C6: variants seen among roughly 807,000 people sequenced by gnomAD.
The protein encoded by C6 is complement component C6.
A neutral mutation model predicts 112.9 loss-of-function variants in C6; 101 were observed. The observed-to-expected ratio is 0.89, with a 90% CI of 0.76 to 1.06. The LOEUF (loss-of-function observed/expected upper bound fraction) is 1.06, where lower values mean the gene tolerates loss of function less well. Ranked by LOEUF, C6 falls within the 50% of genes least tolerant of loss-of-function variation. The probability of loss-of-function intolerance (pLI) is 0.00; values close to 1 mark genes in which losing one functional copy is unlikely to be tolerated. For missense variants in C6, 1,202 were observed against 1,104.6 expected, an observed-to-expected ratio of 1.09 and a Z score of -1.25; for synonymous variants, 431 against 384.1, an observed-to-expected ratio of 1.12 and a Z score of -1.43.
At chr5:41,199,972 A>G in intron 3 of C6, 60 bp from the exon 4 acceptor site, 1 of 1,531,544 alleles carries the variant, frequency 6.5e-7, no homozygotes, top group Non-Finnish European at 9.0e-7. Context: ...AAATGTACCT[A>G]AGAAAACTGG....
chr5:41,169,461 T>A (rs1332300175), intron 9 of C6, among the ~76,000 whole-genome samples: 1 of 152,160 alleles, frequency 6.6e-6, no homozygotes, highest in African/African-American at 2.4e-5. Flanking sequence ...CTGGCAATTT[T>A]ATACTTTTTA....
intron 1 of C6, among the ~76,000 whole-genome samples, chr5:41,229,914 C>A (rs1265697703): frequency 6.6e-6 from 1 of 152,116 alleles, no homozygotes; most frequent in African/African-American, 2.4e-5. Context: ...GGAGCCGAGG[C>A]AGAAGAATAT....
At chr5:41,205,897 C>G (rs1216934663) in intron 1 of C6, among the ~76,000 whole-genome samples, 1 of 152,212 alleles carries the variant, frequency 6.6e-6, no homozygotes, top group African/African-American at 2.4e-5. Flanking sequence ...AGTTTGAGAT[C>G]TGAGAATGGA....
intron 7 of C6, among the ~76,000 whole-genome samples, chr5:41,178,512 G>C: frequency 9.1e-6 from 1 of 110,220 alleles, no homozygotes; most frequent in East Asian, 2.8e-4. Context: ...AGCTAGCTCT[G>C]TCACCCAGGC....
Position 41,203,099 on chromosome 5 carries a change from C to A in C6, c.132G>T (p.Gln44His). 6.2e-7 allele frequency: 1 copy of A among 1,614,052 alleles called. No individual in the cohort carries two copies. ...SCSKTCNSGT[Q>H]SRHRQIVVDK... ...AAGCTCACACCCACCTGTGTCTGCT[C>A]TGGGTTCCAGAATTGCAAGTTTTTG... Residue 44 changes from glutamine to histidine, a missense_variant, in exon 2 of 18, where the codon CAG becomes CAT. Gln to His is a conservative substitution (Grantham distance 24, BLOSUM62 0). Coordinates refer to ENST00000337836, the MANE Select transcript of C6 (RefSeq NM_000065.5).
chr5:41,171,337 T>A (rs922337581), intron 9 of C6, among the ~76,000 whole-genome samples: 1 of 152,024 alleles, frequency 6.6e-6, no homozygotes, highest in African/African-American at 2.4e-5. Context: ...AGAGGAAAGG[T>A]GAAAGGAGCC....
At chr5:41,186,680 T>A (rs1749795376) in intron 5 of C6, among the ~76,000 whole-genome samples, 1 of 152,024 alleles carries the variant, frequency 6.6e-6, no homozygotes, top group African/African-American at 2.4e-5. Flanking sequence ...GACTATAATA[T>A]TTAAAATATA....
chr5:41,249,525 A>G (rs1448301584), intron 1 of C6, among the ~76,000 whole-genome samples: 1 of 152,214 alleles, frequency 6.6e-6, no homozygotes, highest in African/African-American at 2.4e-5. Context: ...AGAGCCACAG[A>G]GGAGATTTTC....
intron 1 of C6, among the ~76,000 whole-genome samples, chr5:41,231,272 T>C (rs1308229771): frequency 6.6e-6 from 1 of 152,168 alleles, no homozygotes; most frequent in Non-Finnish European, 1.5e-5. Context: ...GTTTTTTGTT[T>C]CATTCTTTCT....
chr5:41,216,515 CCTGT>C (rs1561182961), upstream of C6, among the ~76,000 whole-genome samples: 1 of 152,070 alleles, frequency 6.6e-6, no homozygotes. Context: ...TCCTAGTCCA[CCTGT>C]CTTAGTATTC....
intron 1 of C6, among the ~76,000 whole-genome samples, chr5:41,256,626 G>A (rs1741730596): frequency 6.6e-6 from 1 of 151,994 alleles, no homozygotes; most frequent in South Asian, 2.1e-4. Flanking sequence ...CTCAATGTTG[G>A]ATATAAGTTC....
chr5:41,148,808 A>G (rs1490427490), intron 17 of C6, among the ~76,000 whole-genome samples: 1 of 152,196 alleles, frequency 6.6e-6, no homozygotes, highest in Non-Finnish European at 1.5e-5. Flanking sequence ...AGAAGACTGA[A>G]AGAAATTTCA....
chr5:41,201,690 G>GT lies in C6; in HGVS notation c.167dup (p.Tyr56Ter). The GT allele has an allele frequency of 6.2e-7, 1 of 1,613,578 alleles. No homozygotes were observed. Among genetic ancestry groups the GT allele is most frequent in the Non-Finnish European group, 8.5e-7 (1 of 1,179,786 alleles). Reference sequence around the variant, plus strand: ...AAATCTGTTCACAAAAGTTTTCCTGGTAGTACTTATCTACTACTATTTGTC... The same window carrying GT: ...AAATCTGTTCACAAAAGTTTTCCTGGTTAGTACTTATCTACTACTATTTGTC... ...RHRQIVVDKYYQENFCEQICS... is the reference protein window; with the variant it reads ...RHRQIVVDKY Residue 56 changes from tyrosine (Y) to a stop codon, truncating the protein, a stop_gained and frameshift_variant, in exon 3 of 18, where the codon TAC (tyrosine) becomes TAAC (stop). Coordinates refer to ENST00000337836, the MANE Select transcript of C6 (RefSeq NM_000065.5). LOFTEE classifies it high-confidence loss of function.
chr5:41,146,945 G>C (rs1277386085), intron 17 of C6, among the ~76,000 whole-genome samples: 1 of 151,864 alleles, frequency 6.6e-6, no homozygotes, highest in Non-Finnish European at 1.5e-5. Context: ...ATTTCCAATA[G>C]AAGAGTTCTC....
At chr5:41,171,446 G>A (rs984205731) in intron 9 of C6, among the ~76,000 whole-genome samples, 1 of 152,174 alleles carries the variant, frequency 6.6e-6, no homozygotes, top group Non-Finnish European at 1.5e-5. Context: ...TATGCTATTA[G>A]ATATGAGTGA....
chr5:41,195,673 G>T, intron 5 of C6, 119 bp downstream of exon 5: 1 of 1,039,700 alleles, frequency 9.6e-7, no homozygotes, highest in Non-Finnish European at 1.5e-6. Context: ...CAGAGATAGG[G>T]CTGGTAGGAG....
chr5:41,253,427 G>A lies in C6; in HGVS notation c.-21+7767C>T, dbSNP rs973478593. Among the ~76,000 whole-genome samples the A allele has an allele frequency of 5.9e-5, 9 of 151,952 alleles. No homozygotes were observed. The East Asian group carries it at 1.7e-3, about 29-fold the overall frequency. ...TCTCCTTTTTGTTACCCTGCCCTGT[G>A]AACTCTAGTTGGCTGTACATCCTTA... On this transcript the variant is annotated intron_variant, in intron 1 of 17. Transcript: ENST00000263413.
At chr5:41,150,160 C>A (rs1746248929) in intron 15 of C6, 135 bp from the exon 16 acceptor site, 1 of 686,032 alleles carries the variant, frequency 1.5e-6, no homozygotes, top group Non-Finnish European at 2.6e-6. Flanking sequence ...TTTGGCTTCT[C>A]TAAATACATT....
chr5:41,145,019 T>C (rs532121836), intron 17 of C6, among the ~76,000 whole-genome samples: 1 of 152,352 alleles, frequency 6.6e-6, no homozygotes. Context: ...ATGCCTTTGC[T>C]AATGTAAATG....
Sources: gnomAD v4.1 joint callset for allele counts (sites outside exome capture counted in the v4.1 genomes callset) on GRCh38, gnomAD v4.1.1 for gene constraint, MANE v1.5 for transcripts, NCBI Gene and HGNC (gene_info 2026-07-23, HGNC 2026-07-21) for gene names.